The following RGS3 variants were observed in gnomAD, a reference collection of about 807,000 sequenced individuals.
RGS3 encodes regulator of G-protein signalling 3.
In RGS3, 80 loss-of-function variants were observed where a neutral mutation model predicts 132.6. The ratio of observed to expected loss-of-function variants is 0.60; its 90% CI spans 0.50 to 0.73. RGS3 has a LOEUF of 0.73. Among genes scored for constraint, RGS3 ranks in the 30% least tolerant of loss-of-function variants. RGS3 has a pLI of 0.00. For missense variants in RGS3, 1,382 were observed against 1,530.8 expected, an observed-to-expected ratio of 0.90 and a Z score of 1.62; for synonymous variants, 598 against 620.6, an observed-to-expected ratio of 0.96 and a Z score of 0.54.
intron 16 of RGS3, chr9:113,522,549 A>T (rs1832004869): frequency 5.2e-6 from 1 of 190,666 alleles, no homozygotes; most frequent in African/African-American, 2.3e-5. Flanking sequence ...CAGCTTAAGG[A>T]TTGCTCCAAG....
rs143477418 is a variant in RGS3, at chr9:113,589,994, C to T, written c.3016-1339C>T. The T allele has an allele frequency of 5.9e-5, 9 of 152,324 alleles. No homozygotes were observed. In the East Asian group the frequency reaches 1.7e-3, roughly 29 times the overall value. 9.4% of individuals were successfully genotyped at this position (152,324 alleles called of 1,614,324 possible). A position where few individuals can be genotyped will look rare whatever the true frequency, so the allele number is the denominator to read the frequency against. The stretch of plus-strand genomic sequence containing the variant: ...GTGTGTGCCTCTGTGTGCACGTACA[C>T]ACATGTATGTTTACAACTCTGGTGG... On this transcript the variant is annotated intron_variant, in intron 20 of 24. Coordinates refer to ENST00000350696, the Ensembl canonical transcript of RGS3.
At chr9:113,515,238 A>G (rs1309245024) in intron 15 of RGS3, among the ~76,000 whole-genome samples, 2 of 152,144 alleles carry the variant, frequency 1.3e-5, no homozygotes, top group Non-Finnish European at 2.9e-5. Context: ...GTTTGAGGCC[A>G]GGAGTTCGAG....
chr9:113,522,548 G>T (rs1490244928), intron 16 of RGS3: 2 of 189,922 alleles, frequency 1.1e-5, no homozygotes, highest in African/African-American at 4.7e-5. Flanking sequence ...ACAGCTTAAG[G>T]ATTGCTCCAA....
chr9:113,561,906 T>G (rs1588253209), intron 19 of RGS3, among the ~76,000 whole-genome samples: 1 of 152,254 alleles, frequency 6.6e-6, no homozygotes, highest in Non-Finnish European at 1.5e-5. Flanking sequence ...GGTACTGTAT[T>G]CCAAAAATAG....
intron 7 of RGS3, among the ~76,000 whole-genome samples, chr9:113,488,264 G>A (rs1830399000): frequency 6.6e-6 from 1 of 152,218 alleles, no homozygotes. Context: ...AGGTGGAGGT[G>A]AGTCAGCTTG....
intron 7 of RGS3, among the ~76,000 whole-genome samples, chr9:113,491,051 C>A (rs1830501572): frequency 7.4e-6 from 1 of 134,462 alleles, no homozygotes; most frequent in South Asian, 2.2e-4. Flanking sequence ...TTATATATAA[C>A]TTAATTATAA....
At chr9:113,564,699 G>A (rs1167948842) in intron 19 of RGS3, among the ~76,000 whole-genome samples, 1 of 152,184 alleles carries the variant, frequency 6.6e-6, no homozygotes, top group Non-Finnish European at 1.5e-5. Flanking sequence ...CCTCCCAGCT[G>A]GCTGTCTCCG....
chr9:113,457,675 T>G (rs773661906), upstream of RGS3, among the ~76,000 whole-genome samples: 1 of 152,224 alleles, frequency 6.6e-6, no homozygotes, highest in Non-Finnish European at 1.5e-5. Context: ...CCACTGTTTA[T>G]TTACTAGTTT....
In RGS3 at chr9:113,506,467, A is replaced by G; in HGVS notation, c.1059A>G (p.Lys353=). Reference sequence around the variant, plus strand: ...ATGAGAGGCCTGTGGAGCACTGGAAATGTGTGGAGCTGGCCCACGAGATCC... The same window carrying G: ...ATGAGAGGCCTGTGGAGCACTGGAAGTGTGTGGAGCTGGCCCACGAGATCC... Residue 353 remains lysine (K), a synonymous_variant, in exon 12 of 25, where the codon AAA becomes AAG. Coordinates refer to ENST00000350696, the Ensembl canonical transcript of RGS3. This position sits in a 1 kb window ranked among gnomAD's most constrained non-coding sequence, Gnocchi z 4.7. 1 of 1,596,034 alleles carries G rather than the reference A, an allele frequency of 6.3e-7. No homozygotes were observed. Among genetic ancestry groups the G allele is most frequent in the Non-Finnish European group, 8.5e-7 (1 of 1,172,626 alleles).
chr9:113,454,295 A>G (rs1042860679), intron 1 of RGS3, among the ~76,000 whole-genome samples: 1 of 152,124 alleles, frequency 6.6e-6, no homozygotes, highest in Admixed American at 6.6e-5. Context: ...TTGTTCTGGG[A>G]TGCAGTTAAG....
chr9:113,513,553 G>A (rs1831501960), intron 14 of RGS3, among the ~76,000 whole-genome samples: 1 of 152,096 alleles, frequency 6.6e-6, no homozygotes, highest in African/African-American at 2.4e-5. Flanking sequence ...CACTTACTAG[G>A]TCCCAGGCAC....
chr9:113,574,603 G>C (rs1834428570), intron 19 of RGS3, among the ~76,000 whole-genome samples: 1 of 152,234 alleles, frequency 6.6e-6, no homozygotes, highest in Non-Finnish European at 1.5e-5. Flanking sequence ...CCTGCCCGGG[G>C]CCATGACAGC....
Position 113,475,138 on chromosome 9 carries a change from G to C in RGS3, c.416-4353G>C, listed in dbSNP as rs190310308. 2.0e-5 allele frequency among the ~76,000 whole-genome samples: 3 copies of C among 152,296 alleles called. No individual in the cohort carries two copies. The East Asian group carries it at 5.8e-4, about 29-fold the overall frequency. ...CCATCCAGTATTTTTCCTGCCATAT[G>C]GGGCCCTGTCTATTCTCCCTTTGGC... On this transcript the variant is annotated intron_variant, in intron 3 of 24. Transcript: ENST00000350696.
chr9:113,525,236 T>A (rs543121408), intron 17 of RGS3, among the ~76,000 whole-genome samples: 1 of 152,248 alleles, frequency 6.6e-6, no homozygotes, highest in South Asian at 2.1e-4. Context: ...GGGATGGAAA[T>A]GGCTCCATTT....
chr9:113,448,324 C>T (rs1043664122), intron 1 of RGS3, among the ~76,000 whole-genome samples: 1 of 152,174 alleles, frequency 6.6e-6, no homozygotes, highest in Non-Finnish European at 1.5e-5. Flanking sequence ...CTTCTCTCCC[C>T]CCAGCCCCAT....
chr9:113,468,512 A>G (rs1173135174), intron 3 of RGS3, among the ~76,000 whole-genome samples: 1 of 152,160 alleles, frequency 6.6e-6, no homozygotes, highest in Non-Finnish European at 1.5e-5. Flanking sequence ...CTTCTCTTTC[A>G]AGATCATTTT....
At chr9:113,524,333 C>A (rs1832101034) in intron 17 of RGS3, among the ~76,000 whole-genome samples, 1 of 152,174 alleles carries the variant, frequency 6.6e-6, no homozygotes, top group Admixed American at 6.5e-5. Flanking sequence ...CTCCCTGCCC[C>A]CAGCCCAGAC....
intron 19 of RGS3, among the ~76,000 whole-genome samples, chr9:113,561,703 G>A (rs1245678536): frequency 1.3e-5 from 2 of 151,422 alleles, no homozygotes; most frequent in Non-Finnish European, 2.9e-5. Context: ...TTACATGCTC[G>A]TGATGGGGTC....
intron 19 of RGS3, among the ~76,000 whole-genome samples, chr9:113,562,492 A>AG (rs1261505596): frequency 6.6e-6 from 1 of 152,040 alleles, no homozygotes; most frequent in African/African-American, 2.4e-5. Flanking sequence ...AAAAAAAAAA[A>AG]AAAGAAATCA....
Sources: allele counts gnomAD v4.1 joint callset (sites outside exome capture counted in the v4.1 genomes callset), GRCh38; gene constraint gnomAD v4.1.1; non-coding constraint Gnocchi (gnomAD v3.1); transcripts MANE v1.5; gene names NCBI Gene and HGNC (gene_info 2026-07-23, HGNC 2026-07-21).